Variants in PTPRG observed in about 807,000 individuals in gnomAD.
PTPRG encodes the protein protein tyrosine phosphatase receptor type G, also known as receptor-type tyrosine-protein phosphatase gamma.
A neutral mutation model predicts 165.3 loss-of-function variants in PTPRG; 102 were observed. The observed-to-expected ratio is 0.62, with a 90% CI of 0.53 to 0.73. The LOEUF (loss-of-function observed/expected upper bound fraction) is 0.73, where lower values mean the gene tolerates loss of function less well. PTPRG is among the 30% of genes least tolerant of loss of function. The pLI is 0.00. For synonymous variants in PTPRG, 675 were observed against 669.5 expected (o/e 1.01, Z -0.13); for missense variants, 1,866 against 1,861.4 (o/e 1.00, Z -0.05).
At position 61,881,967 on chromosome 3, in the gene PTPRG, G is replaced by A. The variant is rs1157148767; in HGVS notation, c.191-107658G>A. On this transcript the variant is annotated intron_variant, in intron 2 of 29. Transcript: ENST00000474889. Reference sequence around the variant, plus strand: ...TCATCATGTATATAACTAGACCCGTGTATAGCAGAGCTACTGCTTTTCCTC... The same window carrying A: ...TCATCATGTATATAACTAGACCCGTATATAGCAGAGCTACTGCTTTTCCTC... 2.0e-5 allele frequency among the ~76,000 whole-genome samples: 3 copies of A among 152,196 alleles called. No individual in the cohort carries two copies. In the East Asian group the frequency reaches 5.8e-4, roughly 29 times the overall value.
chr3:61,804,689 A>AAT (rs1027921209), intron 2 of PTPRG, among the ~76,000 whole-genome samples: 3 of 152,016 alleles, frequency 2.0e-5, no homozygotes, highest in African/African-American at 7.3e-5. Context: ...CAAAAAAAAA[A>AAT]AAAAAATAAA....
intron 24 of PTPRG, chr3:62,276,647 TA>T (rs1456177959): frequency 3.6e-6 from 1 of 276,222 alleles, no homozygotes; most frequent in Middle Eastern, 1.1e-3. Context: ...GGTATAATTG[TA>T]GGAATAACAA....
chr3:61,801,663 G>T (rs2107172506), intron 2 of PTPRG, among the ~76,000 whole-genome samples: 1 of 152,224 alleles, frequency 6.6e-6, no homozygotes, highest in African/African-American at 2.4e-5. Context: ...GACGGTTAGG[G>T]ACTGTTTCTC....
chr3:62,166,055 C>T lies in PTPRG; in HGVS notation c.841-1916C>T, dbSNP rs142788907. Among the ~76,000 whole-genome samples the T allele has an allele frequency of 1.9e-3, 284 of 152,168 alleles. 1 individual carries two copies. The highest frequency in any genetic ancestry group is 6.5e-3 in the African/African-American group (269 of 41,534). On this transcript the variant is annotated intron_variant, in intron 7 of 29. Transcript: ENST00000474889. ...CAGAGAGCATCTTTCTAGCACCATT[C>T]GACCATTTCTCCTGCAGAAAGCACT...
intron 2 of PTPRG, among the ~76,000 whole-genome samples, chr3:61,849,285 A>G (rs184799398): frequency 1.3e-5 from 2 of 152,340 alleles, no homozygotes; most frequent in South Asian, 2.1e-4. Context: ...TTTCAAATCA[A>G]CATAATGGTG....
chr3:62,165,453 C>T (rs1704935301), intron 7 of PTPRG, among the ~76,000 whole-genome samples: 2 of 152,198 alleles, frequency 1.3e-5, no homozygotes, highest in African/African-American at 2.4e-5. Flanking sequence ...GAGTGGCTCA[C>T]ATTTGGACAA....
At chr3:61,587,480 T>A (rs1700459127) in intron 1 of PTPRG, among the ~76,000 whole-genome samples, 1 of 152,160 alleles carries the variant, frequency 6.6e-6, no homozygotes, top group Non-Finnish European at 1.5e-5. Flanking sequence ...CTTGAAGATG[T>A]GTTTCCTCAA....
At chr3:61,674,486 C>CAA (rs58334791) in intron 1 of PTPRG, among the ~76,000 whole-genome samples, 67 of 57,938 alleles carry the variant, frequency 1.2e-3, no homozygotes, top group African/African-American at 2.7e-3. Context: ...GACTCCATCT[C>CAA]AAAAAAAAAA....
At chr3:61,705,841 AC>A (rs1170946855) in intron 1 of PTPRG, among the ~76,000 whole-genome samples, 1 of 152,180 alleles carries the variant, frequency 6.6e-6, no homozygotes, top group East Asian at 1.9e-4. Context: ...CTTCAATGGC[AC>A]CCATCTTCAA....
intron 3 of PTPRG, among the ~76,000 whole-genome samples, chr3:61,992,219 C>T (rs1170297241): frequency 1.3e-5 from 2 of 150,402 alleles, no homozygotes; most frequent in Non-Finnish European, 2.9e-5. Context: ...CAGTTATATG[C>T]AATTTGAAAC....
chr3:62,231,546 T>C (rs1054633719), intron 14 of PTPRG, among the ~76,000 whole-genome samples: 4 of 152,188 alleles, frequency 2.6e-5, no homozygotes, highest in African/African-American at 9.7e-5. Flanking sequence ...TTTGCAGTTT[T>C]GGGGGTGTTA....
intron 2 of PTPRG, among the ~76,000 whole-genome samples, chr3:61,987,475 T>G (rs1484684113): frequency 6.6e-6 from 1 of 152,176 alleles, no homozygotes; most frequent in Non-Finnish European, 1.5e-5. Context: ...TTGTTAGTAG[T>G]AGGAGGAGAA....
At chr3:61,967,034 C>T (rs980584003) in intron 2 of PTPRG, among the ~76,000 whole-genome samples, 1 of 152,174 alleles carries the variant, frequency 6.6e-6, no homozygotes, top group African/African-American at 2.4e-5. Context: ...CAGATTGGTG[C>T]TCCCAGAGAA....
intron 1 of PTPRG, among the ~76,000 whole-genome samples, chr3:61,584,004 A>C (rs770667380): frequency 2.0e-4 from 30 of 152,208 alleles, no homozygotes; most frequent in Non-Finnish European, 3.8e-4. Context: ...CCTGCCTGCC[A>C]AAAATAATCC....
At chr3:62,070,854 C>G (rs1701185399) in intron 4 of PTPRG, among the ~76,000 whole-genome samples, 1 of 151,846 alleles carries the variant, frequency 6.6e-6, no homozygotes, top group Admixed American at 6.6e-5. Context: ...TAACACCAAG[C>G]TTGATTAGAA....
At chr3:61,948,132 C>G (rs558795645) in intron 2 of PTPRG, among the ~76,000 whole-genome samples, 1 of 152,172 alleles carries the variant, frequency 6.6e-6, no homozygotes, top group East Asian at 1.9e-4. Flanking sequence ...CAAGACCAGC[C>G]TAACCAACTT....
intron 1 of PTPRG, among the ~76,000 whole-genome samples, chr3:61,577,130 G>A (rs1700189072): frequency 6.6e-6 from 1 of 152,142 alleles, no homozygotes; most frequent in Non-Finnish European, 1.5e-5. Context: ...TACCTTTAGG[G>A]TAGCTTGTTT....
chr3:61,657,003 A>T (rs956259630), intron 1 of PTPRG, among the ~76,000 whole-genome samples: 1 of 152,214 alleles, frequency 6.6e-6, no homozygotes, highest in Non-Finnish European at 1.5e-5. Context: ...CCCATAACAG[A>T]TTAACAAGAG....
chr3:61,632,817 C>G (rs1701805171), intron 1 of PTPRG, among the ~76,000 whole-genome samples: 1 of 152,186 alleles, frequency 6.6e-6, no homozygotes, highest in Non-Finnish European at 1.5e-5. Context: ...CCCTCCCCTC[C>G]CTGCCCATGG....
Sources: gnomAD v4.1 joint callset for allele counts (sites outside exome capture counted in the v4.1 genomes callset) on GRCh38, gnomAD v4.1.1 for gene constraint, MANE v1.5 for transcripts, NCBI Gene and HGNC (gene_info 2026-07-23, HGNC 2026-07-21) for gene names.